The following DIAPH2 variants were observed in gnomAD, a reference collection of about 807,000 sequenced individuals.
The protein encoded by DIAPH2 is protein diaphanous homolog 2.
DIAPH2 carries 35 observed loss-of-function variants against 92.7 expected under a neutral mutation model. That is an observed-to-expected ratio of 0.38 (90% CI 0.29 to 0.50). The LOEUF is 0.50. Among genes scored for constraint, DIAPH2 ranks in the 20% least tolerant of loss-of-function variants. DIAPH2 has a pLI of 0.94. For synonymous variants in DIAPH2, 301 were observed against 280.4 expected, an observed-to-expected ratio of 1.07 and a Z score of -0.73; for missense variants, 701 against 819.5, an observed-to-expected ratio of 0.86 and a Z score of 1.77.
At chrX:96,956,067 C>T (rs977645338) in intron 15 of DIAPH2, among the ~76,000 whole-genome samples, 29 of 112,595 alleles carry the variant, frequency 2.6e-4, no homozygotes, top group African/African-American at 9.4e-4. Context: ...AGGGCTCCAC[C>T]CCTGCAGCAA....
chrX:96,905,232 C>T (rs1202569947), intron 5 of DIAPH2, among the ~76,000 whole-genome samples: 1 of 111,895 alleles, frequency 8.9e-6, no homozygotes, highest in African/African-American at 3.2e-5. Flanking sequence ...CATTGATGGA[C>T]ATGCAGTCAC....
At chrX:97,589,317 A>C (rs1469021732) in intron 26 of DIAPH2, among the ~76,000 whole-genome samples, 2 of 4,611 alleles carry the variant, frequency 4.3e-4, no homozygotes, top group African/African-American at 4.8e-4. Context: ...ACTCCATCTC[A>C]AAAAAAAAAA....
chrX:96,842,911 G>T (rs899292783), intron 4 of DIAPH2, among the ~76,000 whole-genome samples: 1 of 111,902 alleles, frequency 8.9e-6, no homozygotes, highest in South Asian at 3.7e-4. Context: ...TTCCCAAGGT[G>T]CACTAGTTTA....
intron 26 of DIAPH2, among the ~76,000 whole-genome samples, chrX:97,586,667 T>A (rs1006910378): frequency 8.9e-6 from 1 of 112,178 alleles, no homozygotes; most frequent in African/African-American, 3.2e-5. Context: ...TATACTTTTC[T>A]TCCAGGATAA....
chrX:97,332,481 A>G (rs1022856484), intron 23 of DIAPH2, among the ~76,000 whole-genome samples: 26 of 112,235 alleles, frequency 2.3e-4, no homozygotes, highest in African/African-American at 8.1e-4. Context: ...GATAAACAAG[A>G]AGTGGAAAAG....
At chrX:96,759,689 CAT>C (rs746827963) in intron 4 of DIAPH2, among the ~76,000 whole-genome samples, 34 of 111,378 alleles carry the variant, frequency 3.1e-4, no homozygotes, top group Non-Finnish European at 5.7e-4. Flanking sequence ...TATGAATAAT[CAT>C]GTGGTGGTTT....
chrX:97,363,356 C>T (rs2147707703), intron 24 of DIAPH2, among the ~76,000 whole-genome samples: 1 of 111,067 alleles, frequency 9.0e-6, no homozygotes, highest in African/African-American at 3.3e-5. Flanking sequence ...AGTATTTTTG[C>T]TATTAAAAAC....
At chrX:97,087,082 A>G (rs1369812531) in intron 19 of DIAPH2, among the ~76,000 whole-genome samples, 5 of 111,760 alleles carry the variant, frequency 4.5e-5, no homozygotes, top group African/African-American at 1.6e-4. Flanking sequence ...GACATTCATT[A>G]TTGTTTGTGT....
chrX:97,221,607 A>G, intron 22 of DIAPH2, among the ~76,000 whole-genome samples: 1 of 112,047 alleles, frequency 8.9e-6, no homozygotes. Flanking sequence ...GAGAGCATTC[A>G]TTTAATTTAT....
At chrX:97,315,451 T>C (rs2068832568) in intron 23 of DIAPH2, among the ~76,000 whole-genome samples, 1 of 111,916 alleles carries the variant, frequency 8.9e-6, no homozygotes, top group Non-Finnish European at 1.9e-5. Flanking sequence ...TGCTCCAAGG[T>C]ACCCAAGGGG....
intron 25 of DIAPH2, among the ~76,000 whole-genome samples, chrX:97,394,939 C>G (rs979793743): frequency 2.7e-5 from 3 of 111,348 alleles, no homozygotes; most frequent in African/African-American, 9.8e-5. Context: ...TGGCCCTGCT[C>G]CCTACATGGT....
chrX:96,794,600 G>A (rs1444314802), intron 4 of DIAPH2, among the ~76,000 whole-genome samples: 1 of 110,363 alleles, frequency 9.1e-6, no homozygotes, highest in Middle Eastern at 4.2e-3. Context: ...TCATGTTGGA[G>A]AGCAAATTGG....
At chrX:97,497,307 A>G (rs1569411962) in intron 26 of DIAPH2, among the ~76,000 whole-genome samples, 1 of 110,947 alleles carries the variant, frequency 9.0e-6, no homozygotes, top group Non-Finnish European at 1.9e-5. Context: ...TAAAGATAAA[A>G]TGGAGTTGGC....
chrX:97,020,243 C>T (rs1338597373), intron 17 of DIAPH2, among the ~76,000 whole-genome samples: 4 of 112,174 alleles, frequency 3.6e-5, no homozygotes, highest in African/African-American at 6.5e-5. Flanking sequence ...CCCTTGCTTG[C>T]GCTGACTCAG....
At chrX:97,404,849 C>A (rs1256868503) in intron 25 of DIAPH2, among the ~76,000 whole-genome samples, 2 of 112,231 alleles carry the variant, frequency 1.8e-5, no homozygotes, top group Admixed American at 1.9e-4. Context: ...GTTCTCCTAC[C>A]TGATAAATTC....
intron 23 of DIAPH2, among the ~76,000 whole-genome samples, chrX:97,252,716 G>GTGTTGTGTTT (rs373355674): frequency 3.8e-5 from 4 of 104,294 alleles, no homozygotes; most frequent in African/African-American, 1.0e-4. Context: ...CAAAGCTGTT[G>GTGTTGTGTTT]TGTTTTGTTT....
intron 4 of DIAPH2, among the ~76,000 whole-genome samples, chrX:96,869,351 C>T (rs999576065): frequency 4.5e-5 from 5 of 110,372 alleles, no homozygotes; most frequent in African/African-American, 1.7e-4. Context: ...ATCACAAGGT[C>T]AGGAGTTCGA....
chrX:97,258,567 C>T (rs1206466732), intron 23 of DIAPH2, among the ~76,000 whole-genome samples: 24 of 105,168 alleles, frequency 2.3e-4, no homozygotes, highest in Admixed American at 6.1e-4. Context: ...AGCGAGACTC[C>T]GCCTCAAAAA....
intron 1 of DIAPH2, among the ~76,000 whole-genome samples, chrX:96,731,846 C>G (rs1602461448): frequency 9.0e-6 from 1 of 111,355 alleles, no homozygotes; most frequent in African/African-American, 3.3e-5. Flanking sequence ...TATTGCTTTT[C>G]CAGAGTTGAT....
Sources: allele counts gnomAD v4.1 joint callset (sites outside exome capture counted in the v4.1 genomes callset), GRCh38; gene constraint gnomAD v4.1.1; transcripts MANE v1.5; gene names NCBI Gene and HGNC (gene_info 2026-07-23, HGNC 2026-07-21).